The following NECAB1 variants were observed in gnomAD, a reference collection of about 807,000 sequenced individuals.
NECAB1 encodes the protein N-terminal EF-hand calcium-binding protein 1.
Under a neutral mutation model 57.5 loss-of-function variants are expected in NECAB1, and 29 were observed. The ratio of observed to expected loss-of-function variants is 0.50; its 90% CI spans 0.38 to 0.69. NECAB1 has a LOEUF of 0.69. Ranked by LOEUF, NECAB1 falls within the 30% of genes least tolerant of loss-of-function variation. The pLI, the probability that NECAB1 is intolerant of heterozygous loss-of-function variation, is 0.00. For missense variants in NECAB1, 372 were observed against 413.8 expected, an observed-to-expected ratio of 0.90 and a Z score of 0.88; for synonymous variants, 142 against 147.7, an observed-to-expected ratio of 0.96 and a Z score of 0.28.
chr8:90,956,943 C>CGTGTGTGTGTGTGTGTGT lies in NECAB1; in HGVS notation c.*1456_*1473dup, dbSNP rs66645266. The CGTGTGTGTGTGTGTGTGT allele has an allele frequency of 3.5e-5, 5 of 143,344 alleles. No homozygotes were observed. Among genetic ancestry groups the CGTGTGTGTGTGTGTGTGT allele is most frequent in the African/African-American group, 1.3e-4 (5 of 38,796 alleles). The allele number at this position is 143,344 out of a possible 1,614,324, so 8.9% of individuals were successfully genotyped here. ...AATTTTGATATATTGTACATACACA[C>CGTGTGTGTGTGTGTGTGT]GTGTGTGTGTGTGTGTGTGTGTGTG... On this transcript the variant is annotated 3_prime_UTR_variant, in exon 13 of 13. Transcript: ENST00000417640.
intron 4 of NECAB1, among the ~76,000 whole-genome samples, chr8:90,876,688 A>G (rs1490986988): frequency 6.6e-6 from 1 of 152,154 alleles, no homozygotes; most frequent in Non-Finnish European, 1.5e-5. Flanking sequence ...ATTTTAGTAG[A>G]GAAGATGGCA....
At chr8:90,888,505 G>A (rs569824955) in intron 5 of NECAB1, among the ~76,000 whole-genome samples, 2 of 152,276 alleles carry the variant, frequency 1.3e-5, no homozygotes, top group Admixed American at 1.3e-4. Flanking sequence ...AAAGTGCAGA[G>A]GGAGAGATTA....
At chr8:90,879,766 T>C (rs1808804234) in intron 4 of NECAB1, among the ~76,000 whole-genome samples, 2 of 152,342 alleles carry the variant, frequency 1.3e-5, no homozygotes, top group South Asian at 4.1e-4. Flanking sequence ...TAACCACAAA[T>C]TAAAATGTTA....
chr8:90,859,209 C>G (rs1190504212), intron 3 of NECAB1: 1 of 152,196 alleles, frequency 6.6e-6, no homozygotes, highest in Non-Finnish European at 1.5e-5. Context: ...GTTTCCAGAT[C>G]TCTCTAGCCT....
intron 10 of NECAB1, 22 bp from the exon 11 acceptor site, chr8:90,949,785 T>C: frequency 7.0e-7 from 1 of 1,437,534 alleles, no homozygotes; most frequent in African/African-American, 1.4e-5. Flanking sequence ...TAGCTAATTA[T>C]GCCTTTTATT....
rs192174102 is a variant in NECAB1, at chr8:90,872,076, T to C, written c.234-52T>C. On this transcript the variant is annotated intron_variant, in intron 3 of 12. Coordinates refer to ENST00000417640, the MANE Select transcript of NECAB1 (RefSeq NM_022351.5). ...GTATTTAACTATTTAAAAACGTAGT[T>C]AAAAATATTACCAAAGTAATAACAC... The C allele has an allele frequency of 2.5e-3, 3,608 of 1,434,202 alleles. 43 individuals carry two copies. Among genetic ancestry groups the C allele is most frequent in the Non-Finnish European group, 1.8e-3 (1,921 of 1,049,268 alleles). 88.8% of individuals were successfully genotyped at this position (1,434,202 alleles called of 1,614,324 possible).
chr8:90,867,904 C>T (rs1438586758), intron 3 of NECAB1, among the ~76,000 whole-genome samples: 2 of 152,116 alleles, frequency 1.3e-5, no homozygotes, highest in East Asian at 1.9e-4. Flanking sequence ...TATGGTTTGG[C>T]TCTATGTCCC....
At chr8:90,893,167 T>C (rs1361863493) in intron 5 of NECAB1, among the ~76,000 whole-genome samples, 1 of 152,084 alleles carries the variant, frequency 6.6e-6, no homozygotes, top group African/African-American at 2.4e-5. Context: ...CTAATATTCC[T>C]GGTGATACTA....
intron 5 of NECAB1, among the ~76,000 whole-genome samples, chr8:90,906,890 T>TGTATATATATATATATGTATGTATATAC (rs1809678794): frequency 7.3e-6 from 1 of 136,618 alleles, no homozygotes; most frequent in Non-Finnish European, 1.5e-5. Context: ...TATATATATA[T>TGTATATATATATATATGTATGTATATAC]ATATATATAT....
At chr8:90,936,122 A>G (rs1810532534) in intron 9 of NECAB1, among the ~76,000 whole-genome samples, 1 of 152,110 alleles carries the variant, frequency 6.6e-6, no homozygotes, top group Admixed American at 6.6e-5. Flanking sequence ...ATTCAGAATG[A>G]CCAAAATCAT....
At chr8:90,896,972 C>T (rs1244837436) in intron 5 of NECAB1, among the ~76,000 whole-genome samples, 9 of 152,264 alleles carry the variant, frequency 5.9e-5, no homozygotes, top group African/African-American at 2.2e-4. Flanking sequence ...GCAGGGGTGA[C>T]GTGCGTCAGG....
intron 6 of NECAB1, among the ~76,000 whole-genome samples, chr8:90,919,118 T>C (rs1810045283): frequency 6.6e-6 from 1 of 152,152 alleles, no homozygotes; most frequent in South Asian, 2.1e-4. Context: ...CACTAATGCT[T>C]AAGAGACACC....
At chr8:90,849,860 C>T (rs934713037) in intron 3 of NECAB1, among the ~76,000 whole-genome samples, 4 of 151,808 alleles carry the variant, frequency 2.6e-5, no homozygotes, top group Admixed American at 1.3e-4. Context: ...ATTAACAAAA[C>T]GGCCATAGTG....
intron 5 of NECAB1, among the ~76,000 whole-genome samples, chr8:90,890,315 G>A (rs993397109): frequency 1.3e-5 from 2 of 152,084 alleles, no homozygotes; most frequent in African/African-American, 4.8e-5. Flanking sequence ...TCCCCTTCTT[G>A]CACTCCATCC....
intron 2 of NECAB1, among the ~76,000 whole-genome samples, chr8:90,806,246 A>G (rs763605956): frequency 1.3e-5 from 2 of 152,182 alleles, no homozygotes; most frequent in Admixed American, 6.5e-5. Flanking sequence ...AGAGATTGTT[A>G]TAGTTCTCCT....
chr8:90,902,011 T>C (rs947121160), intron 5 of NECAB1, among the ~76,000 whole-genome samples: 1 of 152,226 alleles, frequency 6.6e-6, no homozygotes, highest in Non-Finnish European at 1.5e-5. Flanking sequence ...TGCACAGTTA[T>C]ATTTACAAAG....
intron 3 of NECAB1, among the ~76,000 whole-genome samples, chr8:90,832,224 G>T (rs58037813): frequency 0.12 from 18,204 of 152,032 alleles, 1,787 homozygotes; most frequent in African/African-American, 0.27. Flanking sequence ...AACCCAAAGT[G>T]GTTTTAAAAA....
At chr8:90,885,190 C>T (rs139438909) in intron 5 of NECAB1, among the ~76,000 whole-genome samples, 1 of 152,082 alleles carries the variant, frequency 6.6e-6, no homozygotes, top group Non-Finnish European at 1.5e-5. Flanking sequence ...CACACAGTGG[C>T]GTAGATGAGT....
intron 3 of NECAB1, among the ~76,000 whole-genome samples, chr8:90,871,891 T>G (rs1458240125): frequency 6.6e-6 from 1 of 152,120 alleles, no homozygotes; most frequent in East Asian, 1.9e-4. Flanking sequence ...CTTTTCCCCA[T>G]CATGTTGCAG....
Sources: allele counts gnomAD v4.1 joint callset (sites outside exome capture counted in the v4.1 genomes callset), GRCh38; gene constraint gnomAD v4.1.1; transcripts MANE v1.5; gene names NCBI Gene and HGNC (gene_info 2026-07-23, HGNC 2026-07-21).